Variants in WWOX observed in about 807,000 individuals in gnomAD.
The protein encoded by WWOX is WW domain containing oxidoreductase.
WWOX carries 69 observed loss-of-function variants against 46.2 expected under a neutral mutation model. The ratio of observed to expected loss-of-function variants is 1.49; its 90% CI spans 1.23 to 1.82. WWOX has a LOEUF of 1.82. Ranked by LOEUF, WWOX falls within the 40% of genes most tolerant of loss-of-function variation. The probability of loss-of-function intolerance (pLI) is 0.00; values close to 1 mark genes in which losing one functional copy is unlikely to be tolerated. For synonymous variants in WWOX, 359 were observed against 202.6 expected, an observed-to-expected ratio of 1.77 and a Z score of -6.56; for missense variants, 919 against 542.6, an observed-to-expected ratio of 1.69 and a Z score of -6.89.
intron 8 of WWOX, among the ~76,000 whole-genome samples, chr16:79,083,683 T>C (rs935003524): frequency 1.3e-5 from 2 of 152,324 alleles, no homozygotes; most frequent in African/African-American, 4.8e-5. Flanking sequence ...AGAGGGAATA[T>C]ACTGCTACGG....
At chr16:78,514,662 T>C (rs2085445600) in intron 8 of WWOX, among the ~76,000 whole-genome samples, 1 of 152,160 alleles carries the variant, frequency 6.6e-6, no homozygotes, top group African/African-American at 2.4e-5. Context: ...ATGCATTTAG[T>C]GTTGGCAAAA....
chr16:79,031,186 G>C (rs907482360), intron 8 of WWOX, among the ~76,000 whole-genome samples: 1 of 151,932 alleles, frequency 6.6e-6, no homozygotes, highest in Non-Finnish European at 1.5e-5. Flanking sequence ...GGAAGCCTTC[G>C]CCCCCTTCTT....
chr16:78,925,959 G>C (rs1170401081), intron 8 of WWOX, among the ~76,000 whole-genome samples: 1 of 152,166 alleles, frequency 6.6e-6, no homozygotes, highest in East Asian at 1.9e-4. Context: ...CAGAAAGACT[G>C]TGAACCAAGA....
At position 78,889,599 on chromosome 16, in the gene WWOX, C is replaced by G. The variant is rs556888764; in HGVS notation, c.1057-322009C>G. 5.3e-5 allele frequency among the ~76,000 whole-genome samples: 8 copies of G among 152,244 alleles called. No individual in the cohort carries two copies. The South Asian group carries it at 1.7e-3, about 32-fold the overall frequency. On this transcript the variant is annotated intron_variant, in intron 8 of 8. Transcript: ENST00000566780. ...GAAAACCGAGCCAAGCTTGAAAGTA[C>G]TAAGCGTGCCCAGGGGAAATGGAAT... is the stretch of plus-strand genomic sequence containing the variant.
At chr16:78,407,749 G>A (rs546115767) in intron 6 of WWOX, among the ~76,000 whole-genome samples, 2 of 152,136 alleles carry the variant, frequency 1.3e-5, no homozygotes, top group Middle Eastern at 3.2e-3. Context: ...TCAACGTCCT[G>A]TAGACCAAAT....
At chr16:78,933,501 G>A (rs113999588) in intron 8 of WWOX, among the ~76,000 whole-genome samples, 1 of 152,308 alleles carries the variant, frequency 6.6e-6, no homozygotes, top group African/African-American at 2.4e-5. Context: ...CCAAGGTGGT[G>A]GAATAGGTTA....
At chr16:78,726,483 C>G (rs1010315998) in intron 8 of WWOX, among the ~76,000 whole-genome samples, 1 of 152,112 alleles carries the variant, frequency 6.6e-6, no homozygotes, top group Non-Finnish European at 1.5e-5. Flanking sequence ...ATTCTCCTCC[C>G]TCAGCCTTCC....
intron 8 of WWOX, among the ~76,000 whole-genome samples, chr16:78,520,963 G>A (rs968419525): frequency 6.6e-6 from 1 of 152,096 alleles, no homozygotes; most frequent in South Asian, 2.1e-4. Flanking sequence ...CAGGGGTGCT[G>A]GTCACCAGGG....
At chr16:79,099,817 C>T (rs1395248954) in intron 8 of WWOX, among the ~76,000 whole-genome samples, 1 of 152,122 alleles carries the variant, frequency 6.6e-6, no homozygotes. Context: ...GTGGATCATT[C>T]AGGGTTAAAT....
intron 8 of WWOX, among the ~76,000 whole-genome samples, chr16:78,829,437 C>T (rs1267323687): frequency 6.6e-6 from 1 of 152,218 alleles, no homozygotes; most frequent in East Asian, 1.9e-4. Context: ...CAGTTTTACT[C>T]AGTCTACTGA....
chr16:78,362,831 A>T (rs561877123), intron 5 of WWOX, among the ~76,000 whole-genome samples: 1 of 152,282 alleles, frequency 6.6e-6, no homozygotes, highest in East Asian at 1.9e-4. Flanking sequence ...TATGAAGGAG[A>T]TACTAGTATT....
At chr16:78,917,723 G>T (rs951941478) in intron 8 of WWOX, among the ~76,000 whole-genome samples, 6 of 151,918 alleles carry the variant, frequency 3.9e-5, no homozygotes, top group Non-Finnish European at 8.8e-5. Flanking sequence ...TCCTGTTTTT[G>T]GTAGTGCCTC....
At chr16:79,033,731 C>T (rs920674926) in intron 8 of WWOX, among the ~76,000 whole-genome samples, 2 of 152,330 alleles carry the variant, frequency 1.3e-5, no homozygotes, top group Middle Eastern at 3.4e-3. Context: ...TCCCCAAGCC[C>T]AGCCCCTGGC....
intron 8 of WWOX, among the ~76,000 whole-genome samples, chr16:79,070,911 C>T (rs1162981325): frequency 1.3e-5 from 2 of 152,166 alleles, no homozygotes; most frequent in Non-Finnish European, 2.9e-5. Flanking sequence ...CATCGTCACT[C>T]AGCACAGAAC....
intron 8 of WWOX, among the ~76,000 whole-genome samples, chr16:78,834,883 G>A (rs1003871750): frequency 4.0e-5 from 6 of 150,672 alleles, no homozygotes; most frequent in African/African-American, 7.5e-5. Context: ...GATAATGACT[G>A]TTTGTAATAA....
chr16:78,566,537 C>T (rs1048057839), intron 8 of WWOX, among the ~76,000 whole-genome samples: 1 of 152,102 alleles, frequency 6.6e-6, no homozygotes, highest in Non-Finnish European at 1.5e-5. Flanking sequence ...AGGATGGTTC[C>T]AAGGACCAAC....
intron 8 of WWOX, among the ~76,000 whole-genome samples, chr16:78,442,554 C>G (rs774662777): frequency 3.3e-5 from 5 of 152,138 alleles, no homozygotes; most frequent in African/African-American, 9.7e-5. Context: ...GAGTATTTGT[C>G]TTTCTGCGCC....
intron 8 of WWOX, among the ~76,000 whole-genome samples, chr16:78,712,181 A>T (rs2048457977): frequency 6.6e-6 from 1 of 152,148 alleles, no homozygotes; most frequent in South Asian, 2.1e-4. Flanking sequence ...GGATAGGCTC[A>T]TTCAGGGTGG....
Position 78,214,095 on chromosome 16 carries a change from G to A in WWOX, c.516+49806G>A, listed in dbSNP as rs1359311074. ...TTGCCTCCCCTGCTGCCCATGCCCT[G>A]CTGCCTAGGGCTGGGCTCATGACTG... On this transcript the variant is annotated intron_variant, in intron 5 of 8. Transcript: ENST00000566780. 1.1e-4 allele frequency among the ~76,000 whole-genome samples: 16 copies of A among 152,252 alleles called. No homozygotes were observed. In the East Asian group the frequency reaches 3.1e-3, roughly 29 times the overall value.
Sources: allele counts gnomAD v4.1 joint callset (sites outside exome capture counted in the v4.1 genomes callset), GRCh38; gene constraint gnomAD v4.1.1; transcripts MANE v1.5; gene names NCBI Gene and HGNC (gene_info 2026-07-23, HGNC 2026-07-21).